The following ACOT11 variants were observed in gnomAD, a reference collection of about 807,000 sequenced individuals.
ACOT11 encodes acyl-coenzyme A thioesterase 11.
A neutral mutation model predicts 77.5 loss-of-function variants in ACOT11; 69 were observed. That is an observed-to-expected ratio of 0.89 (90% CI 0.73 to 1.09). ACOT11 has a LOEUF of 1.09. Among genes scored for constraint, ACOT11 ranks in the 50% least tolerant of loss-of-function variants. ACOT11 has a pLI of 0.00. For synonymous variants in ACOT11, 279 were observed against 313.0 expected, an observed-to-expected ratio of 0.89 and a Z score of 1.15; for missense variants, 766 against 813.7, an observed-to-expected ratio of 0.94 and a Z score of 0.71.
At chr1:54,623,579 C>A in intron 15 of ACOT11, 1 of 583,766 alleles carries the variant, frequency 1.7e-6, no homozygotes, top group East Asian at 2.8e-5. Flanking sequence ...TCCTCCCTCC[C>A]CGCCCCAATC....
chr1:54,631,988 T>C (rs1354508541), intron 16 of ACOT11, among the ~76,000 whole-genome samples: 1 of 151,516 alleles, frequency 6.6e-6, no homozygotes, highest in Non-Finnish European at 1.5e-5. Context: ...GGACTGAGAG[T>C]GGATAAAGGA....
At chr1:54,616,546 G>C (rs1001036633) in intron 15 of ACOT11, among the ~76,000 whole-genome samples, 26 of 151,778 alleles carry the variant, frequency 1.7e-4, no homozygotes, top group African/African-American at 6.3e-4. Flanking sequence ...GCTAATTTTT[G>C]TATTTAGTGG....
At chr1:54,595,980 G>A (rs1198977854) in intron 6 of ACOT11, among the ~76,000 whole-genome samples, 2 of 152,166 alleles carry the variant, frequency 1.3e-5, no homozygotes, top group African/African-American at 2.4e-5. Context: ...CTTGGAGGCC[G>A]GAGCTGGGGA....
chr1:54,575,436 T>C (rs1654077108), intron 1 of ACOT11, among the ~76,000 whole-genome samples: 1 of 152,108 alleles, frequency 6.6e-6, no homozygotes, highest in African/African-American at 2.4e-5. Context: ...AGGTGACATT[T>C]GGACTGACAG....
intron 15 of ACOT11, chr1:54,616,016 T>C: frequency 6.2e-7 from 1 of 1,613,418 alleles, no homozygotes; most frequent in Non-Finnish European, 8.5e-7. Context: ...AGAGAGGCCC[T>C]TACCCTTTTG....
At chr1:54,560,806 C>T (rs991190673) in intron 1 of ACOT11, among the ~76,000 whole-genome samples, 1 of 152,138 alleles carries the variant, frequency 6.6e-6, no homozygotes, top group East Asian at 1.9e-4. Flanking sequence ...ACTGCAACCT[C>T]CGCCTCCTGG....
intron 1 of ACOT11, among the ~76,000 whole-genome samples, chr1:54,559,230 C>T (rs1318426119): frequency 2.0e-5 from 3 of 152,202 alleles, no homozygotes; most frequent in Admixed American, 6.5e-5. Context: ...TGTGGACCCA[C>T]CCCATCCCAG....
chr1:54,571,440 A>C (rs1653928132), intron 1 of ACOT11, among the ~76,000 whole-genome samples: 1 of 152,158 alleles, frequency 6.6e-6, no homozygotes, highest in African/African-American at 2.4e-5. Context: ...CAGCATCTGG[A>C]GTGTGGATGG....
At chr1:54,616,543 T>C (rs1321224879) in intron 15 of ACOT11, among the ~76,000 whole-genome samples, 1 of 151,880 alleles carries the variant, frequency 6.6e-6, no homozygotes, top group Non-Finnish European at 1.5e-5. Context: ...CTAGCTAATT[T>C]TTGTATTTAG....
rs1654447080 is a variant in ACOT11 at position 54,584,962 on chromosome 1, G to T, written c.241+100G>T. On this transcript the variant is annotated intron_variant, in intron 2 of 15. Coordinates refer to ENST00000343744, the MANE Select transcript of ACOT11 (RefSeq NM_147161.4). This position sits in a 1 kb window ranked among gnomAD's most constrained non-coding sequence, Gnocchi z 6.3. Reference sequence around the variant, plus strand: ...ACCGTCCACCCTAAGTGCCACACTTGTTTCTCATCTTGGCCTTTGCTCATG... The same window carrying T: ...ACCGTCCACCCTAAGTGCCACACTTTTTTCTCATCTTGGCCTTTGCTCATG... 1 of 1,286,850 alleles carries T rather than the reference G, an allele frequency of 7.8e-7. No homozygotes were observed. The highest frequency in any genetic ancestry group is 2.2e-5 in the Admixed American group (1 of 45,452). 79.7% of individuals were successfully genotyped at this position (1,286,850 alleles called of 1,614,324 possible).
chr1:54,602,184 G>A (rs148719212), intron 9 of ACOT11, among the ~76,000 whole-genome samples: 6 of 152,336 alleles, frequency 3.9e-5, no homozygotes, highest in Admixed American at 1.3e-4. Flanking sequence ...GGCCATTGGG[G>A]TGCTGATCCT....
Position 54,597,322 on chromosome 1 carries a change from A to G in ACOT11, c.671A>G (p.Glu224Gly). ...PAEKTRVESV[E>G]LVLPPHANHQ... is the part of the protein sequence containing the mutation. ...GAGAAGACCCGTGTGGAGAGTGTGGAGCTGGTCCTGCCTCCCCACGCCAAT... is the reference window on the plus strand; with the variant it reads ...GAGAAGACCCGTGTGGAGAGTGTGGGGCTGGTCCTGCCTCCCCACGCCAAT... Residue 224 changes from glutamate to glycine, a missense_variant, in exon 7 of 16, where the codon GAG becomes GGG. Physicochemically the swap from Glu to Gly is moderately conservative, Grantham distance 98. Transcript: ENST00000343744. 3 of 1,613,830 alleles carry G rather than the reference A, an allele frequency of 1.9e-6. No individual in the cohort carries two copies.
At chr1:54,633,898 T>C (rs532919495) in intron 16 of ACOT11, among the ~76,000 whole-genome samples, 3 of 152,256 alleles carry the variant, frequency 2.0e-5, no homozygotes, top group East Asian at 3.9e-4. Context: ...CTCAGATAAA[T>C]AGAATAGATC....
intron 5 of ACOT11, among the ~76,000 whole-genome samples, 165 bp from the exon 6 acceptor site, chr1:54,594,391 T>C (rs1654821953): frequency 1.3e-5 from 2 of 152,170 alleles, no homozygotes; most frequent in African/African-American, 4.8e-5. Flanking sequence ...CAGGTCATCG[T>C]GGAGGCAGGA....
chr1:54,555,111 CA>C (rs1273940243), intron 1 of ACOT11, among the ~76,000 whole-genome samples: 6 of 152,174 alleles, frequency 3.9e-5, no homozygotes, highest in African/African-American at 1.4e-4. Flanking sequence ...GACATTGCGA[CA>C]CCATGCCTGG....
At chr1:54,582,502 G>A in intron 1 of ACOT11, 1 of 985,414 alleles carries the variant, frequency 1.0e-6, no homozygotes, top group Non-Finnish European at 1.2e-6. Flanking sequence ...CAAGGCACAG[G>A]TCCTGGCTCC....
At chr1:54,585,210 G>A (rs1654455263) in intron 2 of ACOT11, among the ~76,000 whole-genome samples, 1 of 152,176 alleles carries the variant, frequency 6.6e-6, no homozygotes. Context: ...TTGAGTTGAG[G>A]TGCGCTGGAC....
intron 1 of ACOT11, among the ~76,000 whole-genome samples, chr1:54,558,984 G>C (rs980197036): frequency 2.0e-5 from 3 of 152,192 alleles, no homozygotes. Context: ...GCACCTTGAA[G>C]GTCTCAGCTG....
intron 1 of ACOT11, among the ~76,000 whole-genome samples, chr1:54,571,097 G>A (rs1653917784): frequency 6.9e-6 from 1 of 145,940 alleles, no homozygotes; most frequent in Non-Finnish European, 1.5e-5. Flanking sequence ...TAAAGAGACA[G>A]GGTCTCACTC....
Sources: allele counts gnomAD v4.1 joint callset (sites outside exome capture counted in the v4.1 genomes callset), GRCh38; gene constraint gnomAD v4.1.1; non-coding constraint Gnocchi (gnomAD v3.1); transcripts MANE v1.5; gene names NCBI Gene and HGNC (gene_info 2026-07-23, HGNC 2026-07-21).